The following GREB1L variants were observed in gnomAD, a reference collection of about 807,000 sequenced individuals.
GREB1L encodes the protein GREB1 like retinoic acid receptor coactivator.
Under a neutral mutation model 200.8 loss-of-function variants are expected in GREB1L, and 17 were observed. The ratio of observed to expected loss-of-function variants is 0.08; its 90% CI spans 0.06 to 0.13. The LOEUF is 0.13. Ranked by LOEUF, GREB1L falls within the 10% of genes least tolerant of loss-of-function variation. The pLI is 1.00. For synonymous variants in GREB1L, 789 were observed against 893.0 expected (o/e 0.88, Z 2.08); for missense variants, 1,657 against 2,367.7 (o/e 0.70, Z 6.23).
chr18:21,467,942 A>G (rs2117318), intron 15 of GREB1L, among the ~76,000 whole-genome samples: 150,222 of 151,342 alleles, frequency 0.99, 74,570 homozygotes, highest in East Asian at 1. Flanking sequence ...GGAGAATGGC[A>G]TGAACCCGGG....
intron 1 of GREB1L, among the ~76,000 whole-genome samples, chr18:21,360,423 G>T (rs1277889140): frequency 6.6e-6 from 1 of 151,760 alleles, no homozygotes; most frequent in Admixed American, 6.6e-5. Flanking sequence ...ATGGCGTTTC[G>T]CCATGTTGGC....
At chr18:21,348,208 G>C (rs568225992) in intron 1 of GREB1L, among the ~76,000 whole-genome samples, 1 of 151,730 alleles carries the variant, frequency 6.6e-6, no homozygotes, top group Non-Finnish European at 1.5e-5. Flanking sequence ...GCCTCCGAAC[G>C]TGCTGGGATT....
chr18:21,479,620 A>G (rs1360823539), intron 17 of GREB1L, among the ~76,000 whole-genome samples: 1 of 152,076 alleles, frequency 6.6e-6, no homozygotes, highest in African/African-American at 2.4e-5. Flanking sequence ...TCAAGGCTGC[A>G]GTGAGCTGAG....
chr18:21,414,476 G>T (rs1288299102), intron 7 of GREB1L, among the ~76,000 whole-genome samples: 1 of 152,150 alleles, frequency 6.6e-6, no homozygotes, highest in African/African-American at 2.4e-5. Flanking sequence ...AGTAGAAAAT[G>T]TCTGCTTTTT....
At chr18:21,291,698 G>T (rs1056526098) in intron 1 of GREB1L, among the ~76,000 whole-genome samples, 3 of 152,188 alleles carry the variant, frequency 2.0e-5, no homozygotes, top group African/African-American at 7.2e-5. Context: ...GAAGAAGGTG[G>T]TTCCCCAAGA....
chr18:21,508,596 G>T lies in GREB1L; in HGVS notation c.4735+5G>T, dbSNP rs2037111183. On this transcript the variant is annotated splice_donor_5th_base_variant and intron_variant, in intron 27 of 32. Transcript: ENST00000424526. The stretch of plus-strand genomic sequence containing the variant: ...TGTTCAATAATGCAGGCGTGGGTAA[G>T]GGGCCCCCCTGGGATGGGGAGAAGG... 6.4e-7 allele frequency: 1 copy of T among 1,551,174 alleles called. No individual in the cohort carries two copies. The highest frequency in any genetic ancestry group is 1.4e-5 in the African/African-American group (1 of 72,956).
At chr18:21,452,015 T>C (rs150030984) in intron 13 of GREB1L, 68 bp from the exon 14 acceptor site, 18,710 of 1,463,354 alleles carry the variant, frequency 0.013, 155 homozygotes, top group Middle Eastern at 0.017. Flanking sequence ...CTGCCCAACT[T>C]GGGCAGTTAA....
At chr18:21,406,358 A>G (rs2030234838) in intron 7 of GREB1L, among the ~76,000 whole-genome samples, 1 of 152,182 alleles carries the variant, frequency 6.6e-6, no homozygotes, top group Non-Finnish European at 1.5e-5. Flanking sequence ...TAATGCTCAC[A>G]TTCTTTTGTG....
chr18:21,336,323 T>G (rs1318307985), intron 1 of GREB1L, among the ~76,000 whole-genome samples: 10 of 152,242 alleles, frequency 6.6e-5, no homozygotes, highest in Admixed American at 6.5e-4. Flanking sequence ...CTTTCTCTTC[T>G]GTTGAAAGTT....
At chr18:21,278,146 G>A (rs1457612876) in intron 1 of GREB1L, among the ~76,000 whole-genome samples, 3 of 152,170 alleles carry the variant, frequency 2.0e-5, no homozygotes, top group Admixed American at 2.0e-4. Flanking sequence ...TTGGGAGGCC[G>A]AGGCGGGTGG....
intron 15 of GREB1L, among the ~76,000 whole-genome samples, chr18:21,465,041 A>G (rs900925490): frequency 2.6e-5 from 4 of 151,780 alleles, no homozygotes; most frequent in African/African-American, 9.8e-5. Flanking sequence ...AGTAAACATT[A>G]TGGAATGGCT....
intron 1 of GREB1L, among the ~76,000 whole-genome samples, chr18:21,358,803 A>G (rs2039543073): frequency 6.6e-6 from 1 of 152,238 alleles, no homozygotes; most frequent in African/African-American, 2.4e-5. Context: ...TTATTTATGT[A>G]ACCAGAAACT....
At chr18:21,270,470 A>G (rs1262560316) in intron 1 of GREB1L, among the ~76,000 whole-genome samples, 4 of 152,122 alleles carry the variant, frequency 2.6e-5, no homozygotes, top group Non-Finnish European at 4.4e-5. Context: ...CTTGGCTTTT[A>G]TCTCTTTCTC....
intron 15 of GREB1L, among the ~76,000 whole-genome samples, chr18:21,457,890 T>C (rs1419615971): frequency 2.0e-5 from 3 of 151,796 alleles, no homozygotes; most frequent in Non-Finnish European, 2.9e-5. Context: ...AGTTTCCTCA[T>C]ATGTCATCAT....
intron 2 of GREB1L, among the ~76,000 whole-genome samples, chr18:21,374,232 G>T (rs796824602): frequency 5.2e-4 from 79 of 152,222 alleles, no homozygotes; most frequent in African/African-American, 1.9e-3. Context: ...TCAAACTCCT[G>T]GACTCAAGTC....
intron 1 of GREB1L, among the ~76,000 whole-genome samples, chr18:21,281,489 T>C (rs1251572222): frequency 6.6e-6 from 1 of 152,240 alleles, no homozygotes; most frequent in Non-Finnish European, 1.5e-5. Flanking sequence ...CTGCCATATT[T>C]ATGTGGAATA....
chr18:21,297,455 A>G (rs1361327628), intron 1 of GREB1L, among the ~76,000 whole-genome samples: 1 of 152,164 alleles, frequency 6.6e-6, no homozygotes, highest in Non-Finnish European at 1.5e-5. Flanking sequence ...CCAGCCACAG[A>G]GCACCTGTCA....
At chr18:21,346,747 T>C (rs2039351574) in intron 1 of GREB1L, among the ~76,000 whole-genome samples, 1 of 152,190 alleles carries the variant, frequency 6.6e-6, no homozygotes, top group Non-Finnish European at 1.5e-5. Context: ...TGATAAAGCA[T>C]CTCTGCTATC....
At chr18:21,323,212 G>A (rs576565087) in intron 1 of GREB1L, among the ~76,000 whole-genome samples, 5 of 152,194 alleles carry the variant, frequency 3.3e-5, no homozygotes, top group East Asian at 1.9e-4. Context: ...GCTTGAGCCC[G>A]GGGTTAAGGA....
Sources: allele counts gnomAD v4.1 joint callset (sites outside exome capture counted in the v4.1 genomes callset), GRCh38; gene constraint gnomAD v4.1.1; transcripts MANE v1.5; gene names NCBI Gene and HGNC (gene_info 2026-07-23, HGNC 2026-07-21).